Variants in MB21D2 observed in about 807,000 individuals in gnomAD.
MB21D2 encodes the protein nucleotidyltransferase MB21D2.
Under a neutral mutation model 33.3 loss-of-function variants are expected in MB21D2, and 9 were observed. The ratio of observed to expected loss-of-function variants is 0.27; its 90% CI spans 0.16 to 0.47. The LOEUF is 0.47. Ranked by LOEUF, MB21D2 falls within the 20% of genes least tolerant of loss-of-function variation. The probability of loss-of-function intolerance (pLI) is 0.99; values close to 1 mark genes in which losing one functional copy is unlikely to be tolerated. For missense variants in MB21D2, 540 were observed against 624.6 expected (o/e 0.86, Z 1.44); for synonymous variants, 241 against 236.3 (o/e 1.02, Z -0.18).
intron 1 of MB21D2, among the ~76,000 whole-genome samples, chr3:192,800,524 A>C (rs994714234): frequency 2.0e-5 from 3 of 152,188 alleles, no homozygotes; most frequent in Non-Finnish European, 4.4e-5. Flanking sequence ...ATGCATTAGC[A>C]ATTTTTTTTT....
chr3:192,849,315 T>TG (rs1173463619), intron 1 of MB21D2, among the ~76,000 whole-genome samples: 73 of 8,416 alleles, frequency 8.7e-3, no homozygotes, highest in East Asian at 0.013. Context: ...GTCTCTTTTT[T>TG]TGGGGGGGGG....
rs57320648 is a variant in MB21D2, at chr3:192,870,699, GAAAA to G, written c.211+46927_211+46930del. Among the ~76,000 whole-genome samples, 23 of 41,660 alleles carry G rather than the reference GAAAA, an allele frequency of 5.5e-4. No homozygotes were observed. The South Asian group carries it at 0.015, about 28-fold the overall frequency. The allele number at this position is 41,660 out of a possible 152,430, so 27.3% of individuals were successfully genotyped here. On this transcript the variant is annotated intron_variant, in intron 1 of 1. Coordinates refer to ENST00000392452, the MANE Select transcript of MB21D2 (RefSeq NM_178496.4). ...GCACTCCAGCCTGGGCGACTCCGTT[GAAAA>G]AAAAAAAAAAAAAAAAGGAAGGAGA... is the stretch of plus-strand genomic sequence containing the variant.
At chr3:192,857,890 TGAG>T (rs770730160) in intron 1 of MB21D2, among the ~76,000 whole-genome samples, 107 of 152,246 alleles carry the variant, frequency 7.0e-4, no homozygotes, top group Admixed American at 8.5e-4. Flanking sequence ...TTTGAGAGGC[TGAG>T]GAGGGTGAAT....
chr3:192,886,238 G>A (rs904208009), intron 1 of MB21D2, among the ~76,000 whole-genome samples: 4 of 152,128 alleles, frequency 2.6e-5, no homozygotes, highest in African/African-American at 7.3e-5. Flanking sequence ...GATTACAGGC[G>A]TGAGTCACCG....
chr3:192,814,095 T>C (rs1253779074), intron 1 of MB21D2, among the ~76,000 whole-genome samples: 1 of 152,208 alleles, frequency 6.6e-6, no homozygotes, highest in Non-Finnish European at 1.5e-5. Flanking sequence ...ATTTCCTCAA[T>C]CTAGTTTTCA....
At chr3:192,873,050 C>T (rs1713346095) in intron 1 of MB21D2, among the ~76,000 whole-genome samples, 1 of 152,104 alleles carries the variant, frequency 6.6e-6, no homozygotes, top group Admixed American at 6.5e-5. Flanking sequence ...GCTGTGTCCC[C>T]TGCCTATACA....
intron 1 of MB21D2, among the ~76,000 whole-genome samples, chr3:192,861,972 C>A (rs1181846211): frequency 6.6e-6 from 1 of 152,160 alleles, no homozygotes; most frequent in Non-Finnish European, 1.5e-5. Context: ...TAAAATACAA[C>A]CACACAAGAG....
At chr3:192,862,301 A>G (rs1713065060) in intron 1 of MB21D2, among the ~76,000 whole-genome samples, 1 of 152,230 alleles carries the variant, frequency 6.6e-6, no homozygotes, top group Non-Finnish European at 1.5e-5. Flanking sequence ...GGAGGCCAGG[A>G]GCACCATCTT....
chr3:192,853,028 GTCTCTCTCTC>G (rs10541418), intron 1 of MB21D2, among the ~76,000 whole-genome samples: 11 of 148,458 alleles, frequency 7.4e-5, no homozygotes, highest in Middle Eastern at 3.6e-3. Flanking sequence ...ATCTCTCTCT[GTCTCTCTCTC>G]TCTCTCTCTC....
intron 1 of MB21D2, among the ~76,000 whole-genome samples, chr3:192,832,879 A>ATTTT (rs1472403749): frequency 1.3e-5 from 2 of 152,254 alleles, no homozygotes; most frequent in African/African-American, 4.8e-5. Context: ...CTAGGCAACC[A>ATTTT]TATTTTCCTT....
In MB21D2 at chr3:192,855,625, C is replaced by G. The variant is rs139566499; in HGVS notation, c.212-55975G>C. ...GAAACTGAAGTTCCAGTTTCTAAAA[C>G]ACAGAGTCAAAACACAGAAGTGCCA... On this transcript the variant is annotated intron_variant, in intron 1 of 1. Transcript: ENST00000392452. 2.7e-3 allele frequency among the ~76,000 whole-genome samples: 408 copies of G among 152,342 alleles called. 1 individual carries two copies. Among genetic ancestry groups the G allele is most frequent in the African/African-American group, 9.1e-3 (380 of 41,568 alleles).
chr3:192,842,858 G>A (rs545770698), intron 1 of MB21D2, among the ~76,000 whole-genome samples: 2 of 152,272 alleles, frequency 1.3e-5, no homozygotes, highest in East Asian at 3.9e-4. Context: ...AGTGCAGTTA[G>A]GGCCATTCTT....
intron 1 of MB21D2, among the ~76,000 whole-genome samples, chr3:192,809,105 CT>C (rs35816549): frequency 5.9e-5 from 9 of 151,432 alleles, no homozygotes; most frequent in Middle Eastern, 3.4e-3. Flanking sequence ...TCCCCCTTCC[CT>C]TTTTTTTTGA....
At chr3:192,844,257 T>C (rs557113751) in intron 1 of MB21D2, among the ~76,000 whole-genome samples, 1 of 152,336 alleles carries the variant, frequency 6.6e-6, no homozygotes, top group South Asian at 2.1e-4. Flanking sequence ...TCAAGCTTAT[T>C]TTTATTTTAC....
At chr3:192,862,289 A>C (rs542232546) in intron 1 of MB21D2, among the ~76,000 whole-genome samples, 11 of 152,332 alleles carry the variant, frequency 7.2e-5, no homozygotes, top group Admixed American at 6.5e-4. Flanking sequence ...AACATTCAGA[A>C]AGGAGGCCAG....
intron 1 of MB21D2, among the ~76,000 whole-genome samples, chr3:192,818,544 T>C (rs901008115): frequency 6.6e-6 from 1 of 152,274 alleles, no homozygotes; most frequent in African/African-American, 2.4e-5. Flanking sequence ...TCTTTTTGTA[T>C]TGTTGCCTAT....
intron 1 of MB21D2, among the ~76,000 whole-genome samples, chr3:192,815,826 C>T (rs947929231): frequency 1.3e-5 from 2 of 152,118 alleles, no homozygotes; most frequent in African/African-American, 4.8e-5. Context: ...CTTCCTCTAC[C>T]CATCAGATAG....
At chr3:192,910,298 CAA>C (rs747554734) in intron 1 of MB21D2, among the ~76,000 whole-genome samples, 22 of 52,288 alleles carry the variant, frequency 4.2e-4, no homozygotes, top group Admixed American at 8.8e-4. Flanking sequence ...ACCATCTCTA[CAA>C]AAAAAAAAAA....
intron 1 of MB21D2, among the ~76,000 whole-genome samples, chr3:192,890,097 A>G (rs545533234): frequency 6.6e-5 from 10 of 152,182 alleles, no homozygotes; most frequent in African/African-American, 2.4e-4. Flanking sequence ...AAGAACCAAG[A>G]GCAACCTTTT....
Sources: gnomAD v4.1 joint callset for allele counts (sites outside exome capture counted in the v4.1 genomes callset) on GRCh38, gnomAD v4.1.1 for gene constraint, MANE v1.5 for transcripts, NCBI Gene and HGNC (gene_info 2026-07-23, HGNC 2026-07-21) for gene names.